The following PKP4 variants were observed in gnomAD, a reference collection of about 807,000 sequenced individuals.
PKP4 encodes plakophilin-4.
Under a neutral mutation model 145.1 loss-of-function variants are expected in PKP4, and 90 were observed. The ratio of observed to expected loss-of-function variants is 0.62; its 90% CI spans 0.52 to 0.74. The LOEUF is 0.74. PKP4 is among the 30% of genes least tolerant of loss of function. PKP4 has a pLI of 0.00. For missense variants in PKP4, 1,340 were observed against 1,482.7 expected, an observed-to-expected ratio of 0.90 and a Z score of 1.58; for synonymous variants, 563 against 577.2, an observed-to-expected ratio of 0.98 and a Z score of 0.35.
intron 10 of PKP4, among the ~76,000 whole-genome samples, chr2:158,641,574 C>T (rs147018785): frequency 3.9e-5 from 6 of 152,196 alleles, no homozygotes; most frequent in Non-Finnish European, 8.8e-5. Context: ...CTTTCTTTAA[C>T]GTTTCAAGCC....
intron 1 of PKP4, among the ~76,000 whole-genome samples, chr2:158,465,267 TG>T (rs1166745701): frequency 6.6e-6 from 1 of 152,244 alleles, no homozygotes; most frequent in Non-Finnish European, 1.5e-5. Flanking sequence ...CTTGCTTAAT[TG>T]TGTATTACAT....
chr2:158,513,909 CCT>C (rs2041727505), intron 1 of PKP4, among the ~76,000 whole-genome samples: 2 of 152,164 alleles, frequency 1.3e-5, no homozygotes, highest in Admixed American at 6.5e-5. Flanking sequence ...GTGTTTTATG[CCT>C]CTCTGTCTTT....
intron 4 of PKP4, among the ~76,000 whole-genome samples, chr2:158,606,813 C>T (rs1475472497): frequency 3.3e-5 from 5 of 152,118 alleles, no homozygotes; most frequent in African/African-American, 1.2e-4. Flanking sequence ...ATGTTTAAAG[C>T]AAACATCCTT....
At chr2:158,581,495 A>G (rs1271588150) in intron 3 of PKP4, among the ~76,000 whole-genome samples, 5 of 152,214 alleles carry the variant, frequency 3.3e-5, no homozygotes, top group Non-Finnish European at 7.3e-5. Flanking sequence ...TCACCCATCC[A>G]AAGTTTTTGT....
At chr2:158,679,373 T>G (rs2058280366) in intron 21 of PKP4, 1 of 152,204 alleles carries the variant, frequency 6.6e-6, no homozygotes, top group South Asian at 2.1e-4. Context: ...AGACCTCTCC[T>G]TCTCGTCATC....
At chr2:158,483,033 T>A (rs560541850) in intron 1 of PKP4, among the ~76,000 whole-genome samples, 7 of 152,228 alleles carry the variant, frequency 4.6e-5, no homozygotes, top group African/African-American at 1.4e-4. Flanking sequence ...TCCTGAAATT[T>A]AGACCTCAAG....
intron 17 of PKP4, among the ~76,000 whole-genome samples, chr2:158,670,704 C>T (rs945548834): frequency 5.9e-5 from 9 of 152,136 alleles, no homozygotes; most frequent in Non-Finnish European, 1.2e-4. Flanking sequence ...TGCCACATAC[C>T]CAGAAAGTAT....
At chr2:158,610,494 C>A (rs3771644) in intron 4 of PKP4, among the ~76,000 whole-genome samples, 29,081 of 152,192 alleles carry the variant, frequency 0.19, 3,620 homozygotes, top group Middle Eastern at 0.35. Flanking sequence ...TATACAGAAT[C>A]TTTTTCTTTA....
intron 17 of PKP4, among the ~76,000 whole-genome samples, chr2:158,673,002 G>T (rs899217810): frequency 2.0e-5 from 3 of 152,122 alleles, no homozygotes; most frequent in Non-Finnish European, 4.4e-5. Flanking sequence ...GAGATCTGAG[G>T]GCCTTAGCTG....
intron 1 of PKP4, among the ~76,000 whole-genome samples, chr2:158,473,555 G>A (rs1465058899): frequency 6.6e-6 from 1 of 152,130 alleles, no homozygotes. Flanking sequence ...ACTAACTCAG[G>A]AACAGAAACC....
At chr2:158,644,875 A>G (rs2054678407) in intron 11 of PKP4, among the ~76,000 whole-genome samples, 2 of 152,152 alleles carry the variant, frequency 1.3e-5, no homozygotes, top group East Asian at 3.8e-4. Context: ...TGTTTGTTTT[A>G]TATTTTCTTT....
chr2:158,485,375 A>G (rs1197505372), intron 1 of PKP4, among the ~76,000 whole-genome samples: 1 of 152,256 alleles, frequency 6.6e-6, no homozygotes, highest in Non-Finnish European at 1.5e-5. Context: ...TACGTAGGAA[A>G]TGGCAGTGCT....
At chr2:158,548,887 G>C (rs1375870251) in intron 2 of PKP4, 1 of 189,132 alleles carries the variant, frequency 5.3e-6, no homozygotes, top group Non-Finnish European at 1.1e-5. Context: ...GGCTCAGCTG[G>C]TGGTGATCGC....
chr2:158,557,682 C>T (rs781361804), intron 2 of PKP4, among the ~76,000 whole-genome samples: 5 of 151,988 alleles, frequency 3.3e-5, no homozygotes, highest in Admixed American at 6.6e-5. Flanking sequence ...TATTGTAATG[C>T]TTTAGTTCAT....
At chr2:158,543,990 GA>G (rs2044742891) in intron 2 of PKP4, among the ~76,000 whole-genome samples, 1 of 152,168 alleles carries the variant, frequency 6.6e-6, no homozygotes, top group Non-Finnish European at 1.5e-5. Context: ...TATCTCATTT[GA>G]AATGAGAGGA....
chr2:158,537,610 A>G (rs1174285729), intron 2 of PKP4, among the ~76,000 whole-genome samples: 1 of 152,370 alleles, frequency 6.6e-6, no homozygotes, highest in East Asian at 1.9e-4. Flanking sequence ...AACTCCTAAT[A>G]AGAATCCAGG....
Position 158,538,603 on chromosome 2 carries a change from G to A in PKP4, c.132+5287G>A, listed in dbSNP as rs566188066. On this transcript the variant is annotated intron_variant, in intron 2 of 21. Transcript: ENST00000389759. ...CATCCAGGCTGGAGTGCAGTGGTGC[G>A]ATCTTGGCTCACTGCAACCTCCGCC... Among the ~76,000 whole-genome samples, 75 of 147,326 alleles carry A rather than the reference G, an allele frequency of 5.1e-4. 2 individuals are homozygous for A. The highest frequency in any genetic ancestry group is 3.5e-3 in the Middle Eastern group (1 of 282).
chr2:158,665,227 AC>A (rs1349112038), intron 15 of PKP4, among the ~76,000 whole-genome samples: 5 of 152,268 alleles, frequency 3.3e-5, no homozygotes, highest in African/African-American at 1.2e-4. Context: ...TCCAAGTGAG[AC>A]AGAAGGAGAT....
chr2:158,530,496 C>G (rs1356383528), intron 1 of PKP4, among the ~76,000 whole-genome samples: 1 of 114,608 alleles, frequency 8.7e-6, no homozygotes, highest in South Asian at 2.8e-4. Context: ...TAGAAGTACT[C>G]TTTCTTTCTT....
Sources: gnomAD v4.1 joint callset for allele counts (sites outside exome capture counted in the v4.1 genomes callset) on GRCh38, gnomAD v4.1.1 for gene constraint, MANE v1.5 for transcripts, NCBI Gene and HGNC (gene_info 2026-07-23, HGNC 2026-07-21) for gene names.